The following RARB variants were observed in gnomAD, a reference collection of about 807,000 sequenced individuals.
The protein encoded by RARB is retinoic acid receptor beta, also known as HBV-activated protein.
RARB carries 17 observed loss-of-function variants against 51.9 expected under a neutral mutation model. That is an observed-to-expected ratio of 0.33 (90% CI 0.22 to 0.49). The LOEUF is 0.49. RARB is among the 20% of genes least tolerant of loss of function. The probability of loss-of-function intolerance (pLI) is 0.99; values close to 1 mark genes in which losing one functional copy is unlikely to be tolerated. For missense variants in RARB, 369 were observed against 550.8 expected (o/e 0.67, Z 3.30); for synonymous variants, 215 against 195.4 (o/e 1.10, Z -0.84).
intron 4 of RARB, among the ~76,000 whole-genome samples, chr3:25,147,632 A>G (rs983227015): frequency 6.6e-6 from 1 of 152,214 alleles, no homozygotes; most frequent in Non-Finnish European, 1.5e-5. Context: ...CGGAGGATAA[A>G]CATAAATTAT....
At chr3:24,858,088 T>G (rs529995444) in intron 1 of RARB, among the ~76,000 whole-genome samples, 1 of 152,340 alleles carries the variant, frequency 6.6e-6, no homozygotes, top group East Asian at 1.9e-4. Flanking sequence ...AGACTTTGCT[T>G]TCTTAAAAAA....
intron 3 of RARB, among the ~76,000 whole-genome samples, chr3:25,511,003 GT>G (rs1247882109): frequency 1.3e-5 from 2 of 152,118 alleles, no homozygotes; most frequent in African/African-American, 4.8e-5. Context: ...TCCATTTGGT[GT>G]TTTTTTGCAA....
chr3:25,004,258 AT>A (rs1361489012), intron 2 of RARB, among the ~76,000 whole-genome samples: 1 of 152,140 alleles, frequency 6.6e-6, no homozygotes, highest in Non-Finnish European at 1.5e-5. Context: ...CTGAAAAGAT[AT>A]TTTTCTCTGT....
intron 5 of RARB, among the ~76,000 whole-genome samples, chr3:25,182,304 G>A (rs1490991526): frequency 6.6e-6 from 1 of 152,190 alleles, no homozygotes; most frequent in Non-Finnish European, 1.5e-5. Context: ...AAGTGAGATG[G>A]ACAAAGGAGG....
intron 2 of RARB, among the ~76,000 whole-genome samples, chr3:25,045,712 A>T (rs569324122): frequency 6.6e-6 from 1 of 152,336 alleles, no homozygotes; most frequent in South Asian, 2.1e-4. Context: ...ATTCATTGTT[A>T]AGGAATTGAA....
chr3:25,202,635 T>A (rs1268277608), intron 5 of RARB, among the ~76,000 whole-genome samples: 2 of 152,194 alleles, frequency 1.3e-5, no homozygotes, highest in African/African-American at 2.4e-5. Context: ...GTATGTTGTG[T>A]CTTTGTTCTC....
intron 5 of RARB, among the ~76,000 whole-genome samples, chr3:25,341,500 C>T (rs1705226330): frequency 6.6e-6 from 1 of 152,026 alleles, no homozygotes; most frequent in African/African-American, 2.4e-5. Context: ...TTGAATAAAG[C>T]AAGAGGGCTT....
chr3:24,989,774 CTTTTTTTTTT>C (rs769275874), intron 2 of RARB, among the ~76,000 whole-genome samples: 980 of 29,534 alleles, frequency 0.033, 276 homozygotes, highest in African/African-American at 0.12. Flanking sequence ...ATATGTTTTT[CTTTTTTTTTT>C]TTTTTTTTTT....
Position 25,383,200 on chromosome 3 carries a change from G to A in RARB, c.179-77993G>A, listed in dbSNP as rs574959846. 1.6e-4 allele frequency among the ~76,000 whole-genome samples: 24 copies of A among 152,270 alleles called. 1 individual carries two copies. The South Asian group carries it at 3.7e-3, about 24-fold the overall frequency. ...ACTGAGGTTCGGAGAGATTGTAGGG[G>A]TGAAAGGCACAAAATGAGTCATAGA... On this transcript the variant is annotated intron_variant, in intron 5 of 11. Transcript: ENST00000383772.
chr3:25,352,071 G>T (rs1705590058), intron 5 of RARB, among the ~76,000 whole-genome samples: 1 of 152,216 alleles, frequency 6.6e-6, no homozygotes, highest in Admixed American at 6.5e-5. Context: ...AAAACCAGCT[G>T]TGAGTTAGTG....
intron 5 of RARB, among the ~76,000 whole-genome samples, chr3:25,231,482 A>C (rs6550958): frequency 1.3e-5 from 2 of 151,968 alleles, no homozygotes; most frequent in Non-Finnish European, 2.9e-5. Flanking sequence ...CTCTTTGTTA[A>C]GAAGCAATCA....
intron 5 of RARB, among the ~76,000 whole-genome samples, chr3:25,391,118 C>T (rs1170868498): frequency 6.6e-6 from 1 of 152,016 alleles, no homozygotes; most frequent in East Asian, 1.9e-4. Flanking sequence ...CATAGCATAG[C>T]TCCTACTTAT....
intron 5 of RARB, among the ~76,000 whole-genome samples, chr3:25,189,365 A>T (rs1701046081): frequency 6.6e-6 from 1 of 152,144 alleles, no homozygotes; most frequent in African/African-American, 2.4e-5. Context: ...TCCTTAGCCA[A>T]AGATTTTTGT....
At chr3:24,892,807 A>G (rs532245027) in intron 2 of RARB, among the ~76,000 whole-genome samples, 6 of 152,212 alleles carry the variant, frequency 3.9e-5, no homozygotes, top group Non-Finnish European at 8.8e-5. Flanking sequence ...CCCCTCAAAC[A>G]TCTTAAATTC....
At chr3:25,365,393 T>G (rs368822643) in intron 5 of RARB, among the ~76,000 whole-genome samples, 1 of 151,874 alleles carries the variant, frequency 6.6e-6, no homozygotes, top group African/African-American at 2.4e-5. Flanking sequence ...ATTATAGGCA[T>G]GAGCCACCAT....
At chr3:25,115,570 C>T (rs1699671388) in intron 3 of RARB, among the ~76,000 whole-genome samples, 1 of 151,818 alleles carries the variant, frequency 6.6e-6, no homozygotes, top group Non-Finnish European at 1.5e-5. Context: ...CCCCTCCCCT[C>T]CTCTCCTTTC....
intron 3 of RARB, among the ~76,000 whole-genome samples, chr3:25,515,587 T>A (rs1225236456): frequency 6.6e-6 from 1 of 152,234 alleles, no homozygotes; most frequent in Non-Finnish European, 1.5e-5. Context: ...AATCATGGAA[T>A]ATGCTTAGTA....
chr3:25,432,133 G>A (rs1708235052), intron 1 of RARB, among the ~76,000 whole-genome samples: 1 of 152,126 alleles, frequency 6.6e-6, no homozygotes, highest in African/African-American at 2.4e-5. Flanking sequence ...TCCTTAAATC[G>A]CAAAGAGAGT....
At chr3:25,232,856 G>T (rs1665341506) in intron 5 of RARB, among the ~76,000 whole-genome samples, 1 of 151,746 alleles carries the variant, frequency 6.6e-6, no homozygotes. Flanking sequence ...ATAGTTTTAT[G>T]TTAGATGATT....
Sources: allele counts gnomAD v4.1 joint callset (sites outside exome capture counted in the v4.1 genomes callset), GRCh38; gene constraint gnomAD v4.1.1; transcripts MANE v1.5; gene names NCBI Gene and HGNC (gene_info 2026-07-23, HGNC 2026-07-21).